PARD3: variants seen among roughly 807,000 people sequenced by gnomAD.
PARD3 encodes partitioning defective 3 homolog.
Under a neutral mutation model 155.4 loss-of-function variants are expected in PARD3, and 75 were observed. The observed-to-expected ratio is 0.48, with a 90% CI of 0.40 to 0.58. The LOEUF (loss-of-function observed/expected upper bound fraction) is 0.58. PARD3 is among the 20% of genes least tolerant of loss of function. PARD3 has a pLI of 0.00. For synonymous variants in PARD3, 576 were observed against 610.5 expected (o/e 0.94, Z 0.83); for missense variants, 1,642 against 1,721.7 (o/e 0.95, Z 0.82).
intron 2 of PARD3, among the ~76,000 whole-genome samples, chr10:34,674,598 T>C (rs2093670364): frequency 6.7e-6 from 1 of 150,176 alleles, no homozygotes; most frequent in African/African-American, 2.4e-5. Flanking sequence ...GCGATTCTCC[T>C]GCCTCAGGCT....
At chr10:34,468,944 C>T (rs566516719) in intron 4 of PARD3, among the ~76,000 whole-genome samples, 3 of 152,282 alleles carry the variant, frequency 2.0e-5, no homozygotes, top group South Asian at 4.1e-4. Context: ...ATATACTGTG[C>T]TAACTTACTG....
chr10:34,736,778 A>C (rs2094923924), intron 1 of PARD3, among the ~76,000 whole-genome samples: 1 of 151,920 alleles, frequency 6.6e-6, no homozygotes, highest in Non-Finnish European at 1.5e-5. Context: ...AGGTTCAAGC[A>C]ATTCTCCTCA....
intron 5 of PARD3, among the ~76,000 whole-genome samples, chr10:34,420,401 A>G (rs1846074793): frequency 6.6e-6 from 1 of 152,178 alleles, no homozygotes; most frequent in Non-Finnish European, 1.5e-5. Context: ...TCAAACTTTT[A>G]ACAGTCAGTT....
intron 16 of PARD3, among the ~76,000 whole-genome samples, chr10:34,338,233 A>T (rs1016951521): frequency 9.9e-5 from 15 of 152,222 alleles, no homozygotes; most frequent in African/African-American, 3.6e-4. Context: ...ATGATAAGGA[A>T]GCATATGGCA....
At chr10:34,772,596 AGCCTG>A (rs1839022448) in intron 1 of PARD3, among the ~76,000 whole-genome samples, 1 of 151,932 alleles carries the variant, frequency 6.6e-6, no homozygotes, top group Non-Finnish European at 1.5e-5. Context: ...GTTCGAGACC[AGCCTG>A]GCCAACATAG....
At chr10:34,537,054 G>A (rs1414740655) in intron 2 of PARD3, among the ~76,000 whole-genome samples, 2 of 152,182 alleles carry the variant, frequency 1.3e-5, no homozygotes. Context: ...CCTGGCTGTA[G>A]TGCAATGGGT....
At chr10:34,185,060 C>T (rs766358061) in intron 22 of PARD3, among the ~76,000 whole-genome samples, 7 of 152,174 alleles carry the variant, frequency 4.6e-5, no homozygotes, top group Non-Finnish European at 7.3e-5. Context: ...CTGTGTTTCA[C>T]CTGTCAGAGC....
At chr10:34,606,517 T>C (rs2132568368) in intron 2 of PARD3, among the ~76,000 whole-genome samples, 1 of 151,796 alleles carries the variant, frequency 6.6e-6, no homozygotes, top group East Asian at 1.9e-4. Flanking sequence ...AGTTGGAGCA[T>C]CAGCCTGGCA....
At chr10:34,200,029 T>A (rs1320643111) in intron 22 of PARD3, among the ~76,000 whole-genome samples, 1 of 152,208 alleles carries the variant, frequency 6.6e-6, no homozygotes, top group East Asian at 1.9e-4. Flanking sequence ...AAGATCATGG[T>A]CAAAGAAAGT....
chr10:34,759,863 A>T (rs1274467545), intron 1 of PARD3, among the ~76,000 whole-genome samples: 5 of 152,206 alleles, frequency 3.3e-5, no homozygotes, highest in Non-Finnish European at 4.4e-5. Flanking sequence ...ATATCATGTG[A>T]AAAGCTCTGC....
chr10:34,479,309 C>T (rs957051706), intron 3 of PARD3, among the ~76,000 whole-genome samples: 1 of 151,760 alleles, frequency 6.6e-6, no homozygotes, highest in Non-Finnish European at 1.5e-5. Flanking sequence ...CTACAGGCGC[C>T]TGCCACCACG....
At chr10:34,793,523 A>C (rs573781186) in intron 1 of PARD3, among the ~76,000 whole-genome samples, 2 of 152,358 alleles carry the variant, frequency 1.3e-5, no homozygotes, top group African/African-American at 4.8e-5. Flanking sequence ...ACGGTGCCTC[A>C]CACCTGTAAT....
intron 2 of PARD3, among the ~76,000 whole-genome samples, chr10:34,665,186 T>C (rs57115534): frequency 0.021 from 3,211 of 152,176 alleles, 117 homozygotes; most frequent in African/African-American, 0.074. Flanking sequence ...ATTAAAATAG[T>C]AATTCAAATA....
intron 22 of PARD3, among the ~76,000 whole-genome samples, chr10:34,188,413 G>T (rs981820124): frequency 1.3e-5 from 2 of 152,046 alleles, no homozygotes; most frequent in African/African-American, 2.4e-5. Context: ...GTAAACAAAC[G>T]TTTTTTACTT....
chr10:34,458,601 AG>A (rs1325885079), intron 4 of PARD3, among the ~76,000 whole-genome samples: 4 of 152,220 alleles, frequency 2.6e-5, no homozygotes, highest in Admixed American at 1.3e-4. Flanking sequence ...GGCAACAGAG[AG>A]AGATCCTCTC....
At chr10:34,216,333 G>C (rs1242636460) in intron 22 of PARD3, among the ~76,000 whole-genome samples, 1 of 152,164 alleles carries the variant, frequency 6.6e-6, no homozygotes, top group Non-Finnish European at 1.5e-5. Flanking sequence ...TTTATAAATG[G>C]AACACTGTCA....
intron 5 of PARD3, among the ~76,000 whole-genome samples, chr10:34,429,858 T>C (rs946267791): frequency 6.6e-6 from 1 of 152,188 alleles, no homozygotes; most frequent in African/African-American, 2.4e-5. Flanking sequence ...GTGCTGGGAT[T>C]ACAGGCGTGA....
chr10:34,743,225 G>A (rs548286829), intron 1 of PARD3, among the ~76,000 whole-genome samples: 10 of 152,128 alleles, frequency 6.6e-5, no homozygotes, highest in Non-Finnish European at 1.3e-4. Context: ...GCTAGGCCAC[G>A]GTACTCCTCT....
chr10:34,258,397 G>A (rs543992127), intron 22 of PARD3, among the ~76,000 whole-genome samples: 1 of 152,276 alleles, frequency 6.6e-6, no homozygotes, highest in South Asian at 2.1e-4. Flanking sequence ...ACTGTTATCG[G>A]GGGGAGCAGG....
Sources: allele counts gnomAD v4.1 joint callset (sites outside exome capture counted in the v4.1 genomes callset), GRCh38; gene constraint gnomAD v4.1.1; transcripts MANE v1.5; gene names NCBI Gene and HGNC (gene_info 2026-07-23, HGNC 2026-07-21).